The following LARP1B variants were observed in gnomAD, a reference collection of about 807,000 sequenced individuals.
LARP1B encodes La ribonucleoprotein 1B, also known as la-related protein 1B.
Under a neutral mutation model 114.2 loss-of-function variants are expected in LARP1B, and 76 were observed. That is an observed-to-expected ratio of 0.67 (90% CI 0.55 to 0.81). LARP1B has a LOEUF of 0.81. LARP1B is among the 30% of genes least tolerant of loss of function. The pLI is 0.00. For missense variants in LARP1B, 1,014 were observed against 1,075.8 expected, an observed-to-expected ratio of 0.94 and a Z score of 0.80; for synonymous variants, 345 against 348.0, an observed-to-expected ratio of 0.99 and a Z score of 0.10.
rs768433616 is a variant in LARP1B at position 128,176,855 on chromosome 4, A to AT, written c.1649-15dup. 6.2e-7 allele frequency: 1 copy of AT among 1,612,972 alleles called. No homozygotes were observed. The highest frequency in any genetic ancestry group is 8.5e-7 in the Non-Finnish European group (1 of 1,178,932). On this transcript the variant is annotated splice_polypyrimidine_tract_variant and intron_variant, in intron 12 of 19. Coordinates refer to ENST00000326639, the MANE Select transcript of LARP1B (RefSeq NM_018078.4). ...GCAGACACAGCACAAAAAGGGACTA[A>AT]TTAACTCTCTTGGCAGGAGGTGTTC... is the stretch of plus-strand genomic sequence containing the variant.
chr4:128,178,640 A>C lies in LARP1B; in HGVS notation c.1894A>C (p.Lys632Gln). 1 of 1,609,714 alleles carries C rather than the reference A, an allele frequency of 6.2e-7. No individual in the cohort carries two copies. Among genetic ancestry groups the C allele is most frequent in the Non-Finnish European group, 8.5e-7 (1 of 1,176,246 alleles). Reference sequence around the variant, plus strand: ...TAAAGAACCAAAAGCCATTGATGTAAAGGTATACAAAACAACCAGGAATAT... The same window carrying C: ...TAAAGAACCAAAAGCCATTGATGTACAGGTATACAAAACAACCAGGAATAT... ...VVKEPKAIDV[K>Q]SPRKRKTRHS... Residue 632 changes from lysine to glutamine, a missense_variant and splice_region_variant, in exon 14 of 20, where the codon AAG (lysine) becomes CAG (glutamine). By Grantham distance (53) the Lys-to-Gln change is moderately conservative. Transcript: ENST00000326639.
intron 8 of LARP1B, among the ~76,000 whole-genome samples, chr4:128,106,835 TGA>T (rs1273783727): frequency 6.6e-5 from 10 of 152,216 alleles, no homozygotes; most frequent in African/African-American, 1.7e-4. Flanking sequence ...CAAGGAAATA[TGA>T]GAGAGAAGAA....
At chr4:128,156,885 A>C (rs929074476) in intron 11 of LARP1B, among the ~76,000 whole-genome samples, 4 of 151,456 alleles carry the variant, frequency 2.6e-5, no homozygotes, top group African/African-American at 9.7e-5. Flanking sequence ...AAAAAAAAAA[A>C]AAACTGGAAA....
intron 5 of LARP1B, among the ~76,000 whole-genome samples, chr4:128,083,717 G>C (rs1199809069): frequency 6.9e-6 from 1 of 145,822 alleles, no homozygotes; most frequent in Non-Finnish European, 1.5e-5. Context: ...TGGCCCGGCA[G>C]AGGGGCTCCT....
At chr4:128,084,877 T>C (rs1435547337) in intron 5 of LARP1B, among the ~76,000 whole-genome samples, 1 of 152,174 alleles carries the variant, frequency 6.6e-6, no homozygotes, top group Non-Finnish European at 1.5e-5. Flanking sequence ...TTGTTTTTTG[T>C]TTGAGATGGA....
At chr4:128,205,672 A>T (rs1757378146) in intron 17 of LARP1B, among the ~76,000 whole-genome samples, 1 of 129,174 alleles carries the variant, frequency 7.7e-6, no homozygotes, top group Non-Finnish European at 1.8e-5. Flanking sequence ...CACACCTGGG[A>T]TCTAGGGCAC....
intron 12 of LARP1B, among the ~76,000 whole-genome samples, chr4:128,167,629 T>A (rs986411130): frequency 6.6e-5 from 10 of 152,098 alleles, no homozygotes; most frequent in Non-Finnish European, 1.2e-4. Flanking sequence ...GTCATATTTT[T>A]AAAAAAATTA....
chr4:128,210,773 T>C lies in LARP1B; in HGVS notation c.*720T>C. 1 of 984,630 alleles carries C rather than the reference T, an allele frequency of 1.0e-6. No individual in the cohort carries two copies. The highest frequency in any genetic ancestry group is 1.2e-6 in the Non-Finnish European group (1 of 829,160). The allele number at this position is 984,630 out of a possible 1,614,324, so 61.0% of individuals were successfully genotyped here. A position where few individuals can be genotyped will look rare whatever the true frequency, so the allele number is the denominator to read the frequency against. ...TTGGTGTGGAGTTTTCTGAATTGGC[T>C]ATAAGCTGATTACATATTAGAGGTT... On this transcript the variant is annotated 3_prime_UTR_variant, in exon 20 of 20. Coordinates refer to ENST00000326639, the MANE Select transcript of LARP1B (RefSeq NM_018078.4).
At chr4:128,159,570 C>T (rs188958514) in intron 11 of LARP1B, among the ~76,000 whole-genome samples, 3 of 152,288 alleles carry the variant, frequency 2.0e-5, no homozygotes, top group East Asian at 1.9e-4. Flanking sequence ...CATAGCCTCC[C>T]GTATTGTCAA....
intron 8 of LARP1B, among the ~76,000 whole-genome samples, chr4:128,099,794 A>G (rs1384926571): frequency 6.6e-6 from 1 of 152,150 alleles, no homozygotes; most frequent in Non-Finnish European, 1.5e-5. Flanking sequence ...TATAGTAAGT[A>G]TATGCCTATC....
At chr4:128,145,437 G>A (rs1334778867) in intron 11 of LARP1B, among the ~76,000 whole-genome samples, 3 of 152,106 alleles carry the variant, frequency 2.0e-5, no homozygotes, top group African/African-American at 7.3e-5. Flanking sequence ...TAGTATATCT[G>A]TTCAGCTTAA....
chr4:128,220,052 A>AT (rs1258049169), intron 6 of LARP1B, among the ~76,000 whole-genome samples: 2 of 151,896 alleles, frequency 1.3e-5, no homozygotes, highest in African/African-American at 4.8e-5. Flanking sequence ...CGCCCGGCTA[A>AT]TTTTTTATTT....
Position 128,179,501 on chromosome 4 carries a change from A to T in LARP1B, c.1992A>T (p.Thr664=). ...VMDSRDRGPG[T]SSVSTSNASP... ...ATTCCAGAGACCGTGGGCCAGGAAC[A>T]TCCTCTGTCAGGTACTATATTTCTC... The change falls in exon 15 of 20, where the codon ACA becomes ACT. Residue 664 remains threonine (T), a synonymous_variant. Transcript: ENST00000326639. The T allele has an allele frequency of 1.3e-6, 2 of 1,591,034 alleles. No individual in the cohort carries two copies. Among genetic ancestry groups the T allele is most frequent in the Non-Finnish European group, 1.7e-6 (2 of 1,166,180 alleles).
intron 1 of LARP1B, chr4:128,069,477 A>T (rs1764350905): frequency 1.3e-6 from 1 of 755,158 alleles, no homozygotes; most frequent in African/African-American, 1.7e-5. Context: ...CTTGTAGCCC[A>T]GCTGGTGCGC....
rs1785175173 is a variant in LARP1B at position 128,114,572 on chromosome 4, T to A, written c.991T>A (p.Ser331Thr). The A allele has an allele frequency of 5.0e-6, 8 of 1,606,886 alleles. No individual in the cohort carries two copies. Among genetic ancestry groups the A allele is most frequent in the Non-Finnish European group, 5.9e-6 (7 of 1,176,800 alleles). Residue 331 changes from serine to threonine, a missense_variant and splice_region_variant, in exon 10 of 20, where the codon TCT (serine) becomes ACT (threonine). Transcript: ENST00000326639. ...PGQAFCSHTESAPNSPRIGSP... is the reference protein window; with the variant it reads ...PGQAFCSHTETAPNSPRIGSP... ...ATAGAACTAACTTAAAATTTTAGAG[T>A]CTGCCCCAAATTCTCCAAGAATTGG...
In LARP1B at chr4:128,117,553, TTTTTATG is replaced by T. The variant is rs547244405; in HGVS notation, c.1161+2816_1161+2822del. Reference sequence around the variant, plus strand: ...GGCACAGGCCACCACACCCAGCTAATTTTTATGTTTTTAGTAGACGGGGTTTCACCAT... The same window carrying T: ...GGCACAGGCCACCACACCCAGCTAATTTTTTAGTAGACGGGGTTTCACCAT... On this transcript the variant is annotated intron_variant, in intron 10 of 19. Transcript: ENST00000326639. Among the ~76,000 whole-genome samples, 139 of 152,178 alleles carry T rather than the reference TTTTTATG, an allele frequency of 9.1e-4. 1 individual carries two copies. The highest frequency in any genetic ancestry group is 3.3e-3 in the African/African-American group (135 of 41,514).
chr4:128,132,690 G>A (rs1313560267), intron 11 of LARP1B, among the ~76,000 whole-genome samples: 1 of 152,052 alleles, frequency 6.6e-6, no homozygotes, highest in African/African-American at 2.4e-5. Context: ...ACATATTGTA[G>A]AGCAGCGGTC....
chr4:128,123,241 T>C, intron 11 of LARP1B: 1 of 985,460 alleles, frequency 1.0e-6, no homozygotes, highest in Non-Finnish European at 1.2e-6. Flanking sequence ...CTATGATAGC[T>C]TGTTACGTGA....
At chr4:128,076,861 G>A (rs1421494150) in intron 3 of LARP1B, among the ~76,000 whole-genome samples, 2 of 151,960 alleles carry the variant, frequency 1.3e-5, no homozygotes, top group Non-Finnish European at 2.9e-5. Flanking sequence ...AAGTAGCTGC[G>A]ACTATAGGCA....
Sources: gnomAD v4.1 joint callset for allele counts (sites outside exome capture counted in the v4.1 genomes callset) on GRCh38, gnomAD v4.1.1 for gene constraint, MANE v1.5 for transcripts, NCBI Gene and HGNC (gene_info 2026-07-23, HGNC 2026-07-21) for gene names.